Variants in PCCA observed in about 807,000 individuals in gnomAD.
PCCA encodes the protein propionyl-CoA carboxylase subunit alpha.
Under a neutral mutation model 101.3 loss-of-function variants are expected in PCCA, and 74 were observed. The observed-to-expected ratio is 0.73, with a 90% CI of 0.61 to 0.89. The LOEUF is 0.89. PCCA is among the 40% of genes least tolerant of loss of function. The pLI is 0.00. For synonymous variants in PCCA, 294 were observed against 313.6 expected (o/e 0.94, Z 0.66); for missense variants, 891 against 907.0 (o/e 0.98, Z 0.23).
At chr13:100,493,785 G>A (rs1385795088) in intron 21 of PCCA, among the ~76,000 whole-genome samples, 3 of 152,192 alleles carry the variant, frequency 2.0e-5, no homozygotes, top group African/African-American at 7.2e-5. Context: ...CGTGCCCGGT[G>A]AACACTATTC....
chr13:100,185,321 T>C (rs924090140), intron 6 of PCCA, among the ~76,000 whole-genome samples: 1 of 152,144 alleles, frequency 6.6e-6, no homozygotes, highest in African/African-American at 2.4e-5. Flanking sequence ...TGTTTCTTTC[T>C]CTCTTTTTAT....
chr13:100,256,516 C>G (rs761306824), intron 8 of PCCA, among the ~76,000 whole-genome samples: 4 of 152,114 alleles, frequency 2.6e-5, no homozygotes, highest in African/African-American at 4.8e-5. Context: ...ATATAAACAT[C>G]ATGAACAGAA....
At chr13:100,152,609 G>T (rs1407255689) in intron 4 of PCCA, among the ~76,000 whole-genome samples, 2 of 152,034 alleles carry the variant, frequency 1.3e-5, no homozygotes, top group Non-Finnish European at 1.5e-5. Flanking sequence ...ACCACGCCTG[G>T]CTAATTTTTT....
intron 19 of PCCA, among the ~76,000 whole-genome samples, chr13:100,377,620 G>A (rs560148334): frequency 7.9e-5 from 12 of 151,950 alleles, no homozygotes; most frequent in South Asian, 2.1e-4. Context: ...TCAGCCTCTC[G>A]AGTAGCTGGG....
At chr13:100,257,781 C>T (rs981279337) in intron 9 of PCCA, 108 bp downstream of exon 9, 7 of 766,614 alleles carry the variant, frequency 9.1e-6, no homozygotes, top group Non-Finnish European at 1.4e-5. Flanking sequence ...ATTACAGTAA[C>T]CATCTAATTT....
At chr13:100,262,252 G>T (rs1333271787) in intron 9 of PCCA, among the ~76,000 whole-genome samples, 1 of 152,024 alleles carries the variant, frequency 6.6e-6, no homozygotes, top group African/African-American at 2.4e-5. Flanking sequence ...AATTAGCCGG[G>T]CGTGGTGGCA....
At chr13:100,499,441 CT>C (rs1936143903) in intron 21 of PCCA, among the ~76,000 whole-genome samples, 2 of 152,226 alleles carry the variant, frequency 1.3e-5, no homozygotes, top group Admixed American at 1.3e-4. Flanking sequence ...CAATTATTTT[CT>C]TCTGGTCCAG....
At chr13:100,146,034 G>C (rs1312631273) in intron 4 of PCCA, among the ~76,000 whole-genome samples, 1 of 150,118 alleles carries the variant, frequency 6.7e-6, no homozygotes, top group Non-Finnish European at 1.5e-5. Context: ...CTGCCTCCTG[G>C]GTTCAAGTGA....
chr13:100,484,566 G>A (rs1452290902), intron 21 of PCCA, among the ~76,000 whole-genome samples: 2 of 152,126 alleles, frequency 1.3e-5, no homozygotes, highest in Admixed American at 6.6e-5. Flanking sequence ...TACAGAAAGA[G>A]CATTAGAGAT....
At chr13:100,365,696 G>A (rs2075092308) in intron 18 of PCCA, among the ~76,000 whole-genome samples, 1 of 152,216 alleles carries the variant, frequency 6.6e-6, no homozygotes, top group African/African-American at 2.4e-5. Context: ...TAAAGAAAGA[G>A]GTTTCAGTTA....
At chr13:100,341,956 AG>A (rs2071380400) in intron 18 of PCCA, among the ~76,000 whole-genome samples, 1 of 27,740 alleles carries the variant, frequency 3.6e-5, no homozygotes, top group Non-Finnish European at 6.6e-5. Flanking sequence ...AACCCTTCAA[AG>A]TATATATATA....
chr13:100,395,795 T>C (rs1303339582), intron 19 of PCCA, among the ~76,000 whole-genome samples: 3 of 152,204 alleles, frequency 2.0e-5, no homozygotes, highest in Admixed American at 2.0e-4. Flanking sequence ...ATTTGGTAAT[T>C]ATCTTTTATA....
intron 6 of PCCA, among the ~76,000 whole-genome samples, chr13:100,182,096 T>C (rs1219874311): frequency 6.9e-6 from 1 of 144,270 alleles, no homozygotes; most frequent in Non-Finnish European, 1.5e-5. Flanking sequence ...TTTTTTCTTT[T>C]TCTTTTTTTT....
At chr13:100,297,374 A>G (rs919209350) in intron 12 of PCCA, among the ~76,000 whole-genome samples, 4 of 152,232 alleles carry the variant, frequency 2.6e-5, no homozygotes, top group Non-Finnish European at 5.9e-5. Context: ...TGGCAGTGTC[A>G]GAGTTTATTA....
intron 21 of PCCA, among the ~76,000 whole-genome samples, chr13:100,486,632 G>C (rs2084396449): frequency 6.6e-6 from 1 of 152,230 alleles, no homozygotes; most frequent in African/African-American, 2.4e-5. Context: ...CAAAGTTGAG[G>C]CTGGGTGCAG....
intron 18 of PCCA, among the ~76,000 whole-genome samples, chr13:100,348,767 T>TTC (rs2072724910): frequency 2.3e-5 from 2 of 87,944 alleles, no homozygotes; most frequent in African/African-American, 4.8e-5. Flanking sequence ...TTTCTTTCTT[T>TTC]CTTTCTTTCT....
chr13:100,421,236 T>C (rs2152886373), intron 19 of PCCA, among the ~76,000 whole-genome samples: 1 of 152,184 alleles, frequency 6.6e-6, no homozygotes, highest in South Asian at 2.1e-4. Flanking sequence ...ACTGTATGTA[T>C]ATATGGTACA....
intron 21 of PCCA, among the ~76,000 whole-genome samples, chr13:100,507,628 G>A: frequency 6.6e-6 from 1 of 152,158 alleles, no homozygotes; most frequent in East Asian, 1.9e-4. Flanking sequence ...CTGTTATTGA[G>A]TGCTGGGTCT....
intron 4 of PCCA, among the ~76,000 whole-genome samples, chr13:100,137,075 A>AT (rs2051273531): frequency 6.6e-6 from 1 of 151,556 alleles, no homozygotes; most frequent in African/African-American, 2.4e-5. Flanking sequence ...TTGTGTTTTC[A>AT]TTTTTGTTAA....
Sources: gnomAD v4.1 joint callset for allele counts (sites outside exome capture counted in the v4.1 genomes callset) on GRCh38, gnomAD v4.1.1 for gene constraint, MANE v1.5 for transcripts, NCBI Gene and HGNC (gene_info 2026-07-23, HGNC 2026-07-21) for gene names.